MICU1: variants seen among roughly 807,000 people sequenced by gnomAD.
MICU1 encodes calcium uptake protein 1, mitochondrial.
MICU1 carries 45 observed loss-of-function variants against 56.8 expected under a neutral mutation model. The ratio of observed to expected loss-of-function variants is 0.79; its 90% CI spans 0.62 to 1.02. The LOEUF is 1.02. MICU1 is among the 50% of genes least tolerant of loss of function. MICU1 has a pLI of 0.00. For missense variants in MICU1, 504 were observed against 587.1 expected (o/e 0.86, Z 1.46); for synonymous variants, 186 against 195.1 (o/e 0.95, Z 0.39).
intron 6 of MICU1, among the ~76,000 whole-genome samples, chr10:72,488,966 AC>A: frequency 2.0e-5 from 3 of 152,304 alleles, no homozygotes; most frequent in Admixed American, 2.0e-4. Flanking sequence ...CTTAGGGCTC[AC>A]CATGTGGGTC....
At chr10:72,472,670 T>C (rs1240293807) in intron 8 of MICU1, among the ~76,000 whole-genome samples, 2 of 152,228 alleles carry the variant, frequency 1.3e-5, no homozygotes, top group African/African-American at 4.8e-5. Context: ...TACTGACCTT[T>C]TAGTATACAG....
chr10:72,423,168 C>T, intron 9 of MICU1, 66 bp downstream of exon 9: 2 of 1,542,006 alleles, frequency 1.3e-6, no homozygotes, highest in Non-Finnish European at 1.8e-6. Flanking sequence ...ATGTTAATAC[C>T]TTCATATTAA....
chr10:72,523,933 T>C, intron 5 of MICU1: 2 of 1,468,926 alleles, frequency 1.4e-6, no homozygotes, highest in Non-Finnish European at 1.8e-6. Flanking sequence ...AATAATAAAG[T>C]CTTTCTAGGT....
At chr10:72,588,417 CT>C (rs1394556984) in intron 1 of MICU1, among the ~76,000 whole-genome samples, 2 of 151,936 alleles carry the variant, frequency 1.3e-5, no homozygotes, top group African/African-American at 2.4e-5. Context: ...CTTACATTTT[CT>C]GCCCAATTAC....
At chr10:72,506,116 C>A (rs928576982) in intron 6 of MICU1, among the ~76,000 whole-genome samples, 1 of 152,016 alleles carries the variant, frequency 6.6e-6, no homozygotes, top group Admixed American at 6.6e-5. Flanking sequence ...GTAAATCACT[C>A]ACCACATTCA....
chr10:72,619,722 G>A (rs1293740051), intron 1 of MICU1, among the ~76,000 whole-genome samples: 1 of 152,218 alleles, frequency 6.6e-6, no homozygotes, highest in Non-Finnish European at 1.5e-5. Context: ...CCACCTGAGG[G>A]TAGAGGGAGG....
chr10:72,446,372 G>C (rs1865104300), intron 8 of MICU1, among the ~76,000 whole-genome samples: 1 of 152,068 alleles, frequency 6.6e-6, no homozygotes, highest in African/African-American at 2.4e-5. Context: ...CTGTCGCCCA[G>C]CAGGCTGGAG....
At chr10:72,430,414 A>G (rs1243289859) in intron 8 of MICU1, among the ~76,000 whole-genome samples, 1 of 152,188 alleles carries the variant, frequency 6.6e-6, no homozygotes, top group Non-Finnish European at 1.5e-5. Flanking sequence ...TTATTGTGAA[A>G]TATTTGACAT....
chr10:72,499,621 T>C (rs1866959102), intron 6 of MICU1, among the ~76,000 whole-genome samples: 1 of 152,220 alleles, frequency 6.6e-6, no homozygotes, highest in Non-Finnish European at 1.5e-5. Context: ...CAATGGCAGA[T>C]AATTTCCAGA....
chr10:72,596,395 G>A (rs1234881547), intron 1 of MICU1, among the ~76,000 whole-genome samples: 1 of 152,076 alleles, frequency 6.6e-6, no homozygotes, highest in Non-Finnish European at 1.5e-5. Flanking sequence ...TCCTGATCAT[G>A]CCACTGTGCT....
At chr10:72,542,988 C>T (rs1306221623) in intron 4 of MICU1, among the ~76,000 whole-genome samples, 3 of 152,224 alleles carry the variant, frequency 2.0e-5, no homozygotes, top group Admixed American at 6.5e-5. Context: ...ATCAAGCTCT[C>T]GCTTGAAGTC....
At chr10:72,544,273 G>C (rs1338317679) in intron 4 of MICU1, among the ~76,000 whole-genome samples, 1 of 152,132 alleles carries the variant, frequency 6.6e-6, no homozygotes, top group African/African-American at 2.4e-5. Flanking sequence ...TCGGTTTTTG[G>C]AGACGTGAGT....
chr10:72,376,800 T>G (rs1862537573), intron 10 of MICU1, among the ~76,000 whole-genome samples: 1 of 152,072 alleles, frequency 6.6e-6, no homozygotes, highest in African/African-American at 2.4e-5. Flanking sequence ...TGTACAACAT[T>G]GTGAATGTAA....
intron 8 of MICU1, among the ~76,000 whole-genome samples, chr10:72,461,770 T>G (rs979104283): frequency 6.6e-6 from 1 of 152,146 alleles, no homozygotes; most frequent in Admixed American, 6.6e-5. Flanking sequence ...GCCACCATGG[T>G]GAAACCTTGT....
intron 1 of MICU1, among the ~76,000 whole-genome samples, chr10:72,582,454 A>G (rs556705597): frequency 9.2e-5 from 14 of 152,090 alleles, no homozygotes; most frequent in Non-Finnish European, 1.9e-4. Context: ...AATAACCATA[A>G]TGTGGCTGGG....
chr10:72,594,925 C>CAAAAAAAAAAAAAAAAAA (rs57504317), intron 1 of MICU1, among the ~76,000 whole-genome samples: 2 of 50,736 alleles, frequency 3.9e-5, no homozygotes, highest in African/African-American at 7.7e-5. Flanking sequence ...AAGTACAATC[C>CAAAAAAAAAAAAAAAAAA]AAAAAAAAAA....
intron 1 of MICU1, among the ~76,000 whole-genome samples, chr10:72,599,601 T>G (rs1021442436): frequency 6.6e-6 from 1 of 151,972 alleles, no homozygotes; most frequent in Non-Finnish European, 1.5e-5. Flanking sequence ...AGCCCAAGAG[T>G]AGTGATGCTA....
At chr10:72,499,340 C>T (rs916813976) in intron 6 of MICU1, among the ~76,000 whole-genome samples, 3 of 152,120 alleles carry the variant, frequency 2.0e-5, no homozygotes, top group Non-Finnish European at 2.9e-5. Context: ...TGAATGAATT[C>T]AACATCATCT....
At chr10:72,596,808 G>C (rs989857808) in intron 1 of MICU1, among the ~76,000 whole-genome samples, 2 of 151,760 alleles carry the variant, frequency 1.3e-5, no homozygotes, top group African/African-American at 2.4e-5. Context: ...AGGAGGCAGA[G>C]GTTGCAATGA....
Sources: gnomAD v4.1 joint callset for allele counts (sites outside exome capture counted in the v4.1 genomes callset) on GRCh38, gnomAD v4.1.1 for gene constraint, MANE v1.5 for transcripts, NCBI Gene and HGNC (gene_info 2026-07-23, HGNC 2026-07-21) for gene names.